The following RUNX2 variants were observed in gnomAD, a reference collection of about 807,000 sequenced individuals.
RUNX2 encodes RUNX family transcription factor 2.
Under a neutral mutation model 51.7 loss-of-function variants are expected in RUNX2, and 10 were observed. The observed-to-expected ratio is 0.19, with a 90% CI of 0.12 to 0.33. The LOEUF is 0.33. Among genes scored for constraint, RUNX2 ranks in the 10% least tolerant of loss-of-function variants. RUNX2 has a pLI of 1.00. For synonymous variants in RUNX2, 276 were observed against 273.6 expected (o/e 1.01, Z -0.09); for missense variants, 562 against 691.3 (o/e 0.81, Z 2.10).
At chr6:45,334,996 T>TA (rs761258572) in intron 2 of RUNX2, among the ~76,000 whole-genome samples, 1 of 151,260 alleles carries the variant, frequency 6.6e-6, no homozygotes, top group Admixed American at 6.6e-5. Context: ...AACAAAGTAT[T>TA]AGAGTTTATA....
chr6:45,501,237 C>A (rs1186269712), intron 6 of RUNX2, among the ~76,000 whole-genome samples: 1 of 152,188 alleles, frequency 6.6e-6, no homozygotes, highest in Non-Finnish European at 1.5e-5. Flanking sequence ...TAATATATCC[C>A]AAGTTTGTGT....
chr6:45,435,765 C>G (rs1451101628), intron 4 of RUNX2, among the ~76,000 whole-genome samples: 2 of 152,222 alleles, frequency 1.3e-5, no homozygotes, highest in Non-Finnish European at 2.9e-5. Flanking sequence ...CTCTGAAACA[C>G]AGCCATGGGA....
intron 2 of RUNX2, among the ~76,000 whole-genome samples, chr6:45,364,909 A>G (rs904716660): frequency 6.6e-5 from 10 of 152,328 alleles, no homozygotes; most frequent in African/African-American, 1.9e-4. Flanking sequence ...TAAACAATAC[A>G]TAACACAGAC....
chr6:45,546,819 AT>A lies in RUNX2; in HGVS notation c.1088-3del. 1 of 1,607,248 alleles carries A rather than the reference AT, an allele frequency of 6.2e-7. No homozygotes were observed. Among genetic ancestry groups the A allele is most frequent in the Admixed American group, 1.7e-5 (1 of 59,966 alleles). On this transcript the variant is annotated splice_region_variant and splice_polypyrimidine_tract_variant and intron_variant, in intron 8 of 8. Coordinates refer to ENST00000647337, the MANE Select transcript of RUNX2 (RefSeq NM_001024630.4). ...ATTTTTCCCTCCATCTTCTGTTATAATTTTTAGGTGCTTCAGAACTGGGCCC... is the reference window on the plus strand; with the variant it reads ...ATTTTTCCCTCCATCTTCTGTTATAATTTTAGGTGCTTCAGAACTGGGCCC...
intron 5 of RUNX2, among the ~76,000 whole-genome samples, chr6:45,449,929 AG>A (rs1236887888): frequency 6.6e-6 from 1 of 152,156 alleles, no homozygotes; most frequent in African/African-American, 2.4e-5. Flanking sequence ...ATAATAACAA[AG>A]AAGAAGACAG....
At chr6:45,494,262 T>C (rs1282306973) in intron 6 of RUNX2, among the ~76,000 whole-genome samples, 1 of 152,210 alleles carries the variant, frequency 6.6e-6, no homozygotes, top group Non-Finnish European at 1.5e-5. Flanking sequence ...CTGGCCCTCC[T>C]CCAGTTGTCA....
intron 2 of RUNX2, among the ~76,000 whole-genome samples, chr6:45,372,783 C>T (rs528253863): frequency 6.6e-6 from 1 of 152,152 alleles, no homozygotes; most frequent in South Asian, 2.1e-4. Context: ...CTCAGCCTCC[C>T]AAGCAGTTGG....
At chr6:45,387,665 C>T (rs1265137586) in intron 2 of RUNX2, among the ~76,000 whole-genome samples, 2 of 152,168 alleles carry the variant, frequency 1.3e-5, no homozygotes, top group African/African-American at 4.8e-5. Context: ...CCTGAATATT[C>T]CAGTTGTGCT....
At chr6:45,504,592 G>C (rs1436968328) in intron 6 of RUNX2, among the ~76,000 whole-genome samples, 1 of 152,162 alleles carries the variant, frequency 6.6e-6, no homozygotes, top group East Asian at 1.9e-4. Context: ...TATTAGAAAA[G>C]ACATAGAATT....
At chr6:45,530,397 T>G (rs544832836) in intron 7 of RUNX2, among the ~76,000 whole-genome samples, 4 of 152,264 alleles carry the variant, frequency 2.6e-5, no homozygotes, top group African/African-American at 9.6e-5. Context: ...GGCAAGTAAG[T>G]TCCAACAAGT....
chr6:45,539,898 G>C (rs1802163837), intron 7 of RUNX2, among the ~76,000 whole-genome samples: 1 of 152,232 alleles, frequency 6.6e-6, no homozygotes, highest in Non-Finnish European at 1.5e-5. Flanking sequence ...TTAGGAATGT[G>C]TGCAGCAGTA....
intron 5 of RUNX2, among the ~76,000 whole-genome samples, chr6:45,485,716 T>TATATATATATATATATATATATATAA (rs1554394671): frequency 7.9e-6 from 1 of 126,446 alleles, no homozygotes; most frequent in Admixed American, 8.5e-5. Context: ...TATATATATA[T>TATATATATATATATATATATATATAA]ACACATATTT....
At chr6:45,531,153 C>A (rs899135097) in intron 7 of RUNX2, among the ~76,000 whole-genome samples, 7 of 152,140 alleles carry the variant, frequency 4.6e-5, no homozygotes, top group African/African-American at 1.4e-4. Context: ...ACATAATATG[C>A]TTTTCCCTAC....
At position 45,470,200 on chromosome 6, in the gene RUNX2, A is replaced by G. The variant is rs189426646; in HGVS notation, c.686-21741A>G. 2.8e-3 allele frequency among the ~76,000 whole-genome samples: 423 copies of G among 152,320 alleles called. 6 individuals are homozygous for G. The highest frequency in any genetic ancestry group is 3.6e-3 in the Non-Finnish European group (242 of 68,020). ...AGAAACTTAACAGCTCTTTGTTTATAATTTTTTCTGAAGTAGGAAGTATTT... is the reference window on the plus strand; with the variant it reads ...AGAAACTTAACAGCTCTTTGTTTATGATTTTTTCTGAAGTAGGAAGTATTT... On this transcript the variant is annotated intron_variant, in intron 5 of 8. Transcript: ENST00000647337.
chr6:45,402,450 C>T (rs1797732293), intron 2 of RUNX2, among the ~76,000 whole-genome samples: 1 of 152,160 alleles, frequency 6.6e-6, no homozygotes, highest in South Asian at 2.1e-4. Context: ...TGGGTAAATA[C>T]ATATTAATTT....
At chr6:45,408,421 G>A (rs1307199816) in intron 2 of RUNX2, among the ~76,000 whole-genome samples, 2 of 152,054 alleles carry the variant, frequency 1.3e-5, no homozygotes, top group Non-Finnish European at 2.9e-5. Context: ...TTAAACCTGT[G>A]TCTGTGGAAA....
chr6:45,472,826 T>C (rs1799845369), intron 5 of RUNX2, among the ~76,000 whole-genome samples: 1 of 152,152 alleles, frequency 6.6e-6, no homozygotes, highest in South Asian at 2.1e-4. Flanking sequence ...GGTGGGTGGG[T>C]ATTAGAAAGC....
chr6:45,509,667 G>C (rs1037483323), intron 6 of RUNX2, among the ~76,000 whole-genome samples: 1 of 152,202 alleles, frequency 6.6e-6, no homozygotes, highest in Non-Finnish European at 1.5e-5. Context: ...GAGCTGGCAC[G>C]CCAACTCAGA....
intron 2 of RUNX2, among the ~76,000 whole-genome samples, chr6:45,334,410 G>T (rs1295566413): frequency 2.4e-5 from 3 of 125,128 alleles, no homozygotes; most frequent in Non-Finnish European, 4.9e-5. Flanking sequence ...TTATAGTCAT[G>T]TATCTTACAC....
Sources: allele counts gnomAD v4.1 joint callset (sites outside exome capture counted in the v4.1 genomes callset), GRCh38; gene constraint gnomAD v4.1.1; transcripts MANE v1.5; gene names NCBI Gene and HGNC (gene_info 2026-07-23, HGNC 2026-07-21).